Variants in TP63 observed in about 807,000 individuals in gnomAD.
The protein encoded by TP63 is tumor protein p63, also known as tumor protein 63.
Under a neutral mutation model 82.8 loss-of-function variants are expected in TP63, and 17 were observed. That is an observed-to-expected ratio of 0.21 (90% CI 0.14 to 0.31). The LOEUF is 0.31. TP63 is among the 10% of genes least tolerant of loss of function. The pLI is 1.00. For synonymous variants in TP63, 330 were observed against 321.7 expected (o/e 1.03, Z -0.28); for missense variants, 648 against 895.3 (o/e 0.72, Z 3.52).
chr3:189,841,515 A>G (rs1252626273), intron 4 of TP63, among the ~76,000 whole-genome samples: 1 of 152,160 alleles, frequency 6.6e-6, no homozygotes, highest in Non-Finnish European at 1.5e-5. Context: ...GATACAAATT[A>G]CCATTACTGG....
intron 4 of TP63, among the ~76,000 whole-genome samples, chr3:189,856,130 A>C (rs1716263945): frequency 6.6e-6 from 1 of 151,762 alleles, no homozygotes; most frequent in Admixed American, 6.6e-5. Flanking sequence ...ACCTACATAG[A>C]GATATAAGGT....
rs1577003438 is a variant in TP63 at position 189,808,341 on chromosome 3, A to G, written c.394A>G (p.Ser132Gly). ...GATTCAGAACGGCTCCTCGTCCACCAGTCCCTATAACACAGACCACGCGCA... is the reference window on the plus strand; with the variant it reads ...GATTCAGAACGGCTCCTCGTCCACCGGTCCCTATAACACAGACCACGCGCA... ...QQIQNGSSST[S>G]PYNTDHAQNS... Residue 132 changes from serine (S) to glycine (G), a missense_variant, in exon 4 of 14, where the codon AGT (serine) becomes GGT (glycine). By Grantham distance (56) the Ser-to-Gly change is moderately conservative. Coordinates refer to ENST00000264731, the MANE Select transcript of TP63 (RefSeq NM_003722.5). 1 of 1,614,234 alleles carries G rather than the reference A, an allele frequency of 6.2e-7. No homozygotes were observed.
At chr3:189,782,403 C>T (rs1296964784) in intron 3 of TP63, among the ~76,000 whole-genome samples, 1 of 152,114 alleles carries the variant, frequency 6.6e-6, no homozygotes, top group Non-Finnish European at 1.5e-5. Flanking sequence ...GCCATGGTGG[C>T]AGCTGTATGG....
Position 189,705,615 on chromosome 3 carries a change from G to A in TP63, c.63-32125G>A, listed in dbSNP as rs182954470. On this transcript the variant is annotated intron_variant, in intron 1 of 13. Transcript: ENST00000264731. Reference sequence around the variant, plus strand: ...CTCCCATCCCAGATCAGAACCTCTAGTCAATGGGAGAGCATATGGAGTTTT... The same window carrying A: ...CTCCCATCCCAGATCAGAACCTCTAATCAATGGGAGAGCATATGGAGTTTT... Among the ~76,000 whole-genome samples, 547 of 152,102 alleles carry A rather than the reference G, an allele frequency of 3.6e-3. 1 individual carries two copies. Among genetic ancestry groups the A allele is most frequent in the Non-Finnish European group, 5.7e-3 (390 of 68,004 alleles).
intron 4 of TP63, among the ~76,000 whole-genome samples, chr3:189,860,399 G>A (rs1457068838): frequency 1.3e-5 from 2 of 152,154 alleles, no homozygotes; most frequent in East Asian, 1.9e-4. Context: ...TAAGGGATAC[G>A]GAAGTGGGCA....
chr3:189,781,204 C>A (rs1239561949), intron 3 of TP63, among the ~76,000 whole-genome samples: 1 of 152,150 alleles, frequency 6.6e-6, no homozygotes, highest in Non-Finnish European at 1.5e-5. Flanking sequence ...GCTACAGATA[C>A]CACATTTACA....
At chr3:189,675,071 A>C (rs766115442) in intron 1 of TP63, among the ~76,000 whole-genome samples, 1 of 152,152 alleles carries the variant, frequency 6.6e-6, no homozygotes, top group Admixed American at 6.6e-5. Context: ...CCAAGGCACT[A>C]GCACGTTTGG....
intron 4 of TP63, 25 bp from the exon 5 acceptor site, chr3:189,864,207 C>T: frequency 6.2e-7 from 1 of 1,613,978 alleles, no homozygotes; most frequent in Non-Finnish European, 8.5e-7. Context: ...TCCTTCCTTT[C>T]TCCACTGGCC....
At chr3:189,767,338 T>C in intron 3 of TP63, among the ~76,000 whole-genome samples, 1 of 152,266 alleles carries the variant, frequency 6.6e-6, no homozygotes, top group Admixed American at 6.5e-5. Context: ...TGTTGTTGTG[T>C]ATAGGTACTA....
intron 4 of TP63, among the ~76,000 whole-genome samples, chr3:189,809,251 G>T (rs1211044980): frequency 6.6e-6 from 1 of 152,016 alleles, no homozygotes; most frequent in Non-Finnish European, 1.5e-5. Flanking sequence ...AAGGAAGCAT[G>T]GAATTTTCTT....
intron 1 of TP63, among the ~76,000 whole-genome samples, chr3:189,724,388 T>C (rs1719617803): frequency 6.6e-6 from 1 of 152,146 alleles, no homozygotes; most frequent in Non-Finnish European, 1.5e-5. Context: ...TAAGTAAGTT[T>C]TTTAGAGGTG....
intron 3 of TP63, among the ~76,000 whole-genome samples, chr3:189,780,231 A>T (rs765868453): frequency 1.3e-4 from 20 of 152,176 alleles, no homozygotes; most frequent in Non-Finnish European, 2.2e-4. Context: ...GAGCTGCCAA[A>T]TTGTGAAATA....
At chr3:189,830,423 T>C (rs1016025596) in intron 4 of TP63, among the ~76,000 whole-genome samples, 2 of 152,164 alleles carry the variant, frequency 1.3e-5, no homozygotes, top group African/African-American at 2.4e-5. Flanking sequence ...CCTGAAACCA[T>C]TGGAAATTGG....
intron 4 of TP63, among the ~76,000 whole-genome samples, chr3:189,821,124 C>T (rs1400397336): frequency 6.6e-6 from 1 of 152,060 alleles, no homozygotes; most frequent in Admixed American, 6.6e-5. Flanking sequence ...CAAAAAAAAG[C>T]AATAACAAAT....
At chr3:189,784,256 G>C (rs947400653) in intron 3 of TP63, among the ~76,000 whole-genome samples, 1 of 151,952 alleles carries the variant, frequency 6.6e-6, no homozygotes, top group African/African-American at 2.4e-5. Flanking sequence ...TCTAAATCCA[G>C]GTAAGTGGTA....
chr3:189,680,185 G>A (rs1715788994), intron 1 of TP63, among the ~76,000 whole-genome samples: 1 of 151,748 alleles, frequency 6.6e-6, no homozygotes, highest in Admixed American at 6.6e-5. Context: ...ATATCTTTTG[G>A]GTGTTTGGAT....
At chr3:189,660,737 C>T (rs2081074140) in intron 1 of TP63, among the ~76,000 whole-genome samples, 2 of 151,802 alleles carry the variant, frequency 1.3e-5, no homozygotes, top group Admixed American at 1.3e-4. Flanking sequence ...TCTATGAATT[C>T]CTTCAACCGT....
chr3:189,672,453 T>A (rs537671550), intron 1 of TP63, among the ~76,000 whole-genome samples: 1 of 152,044 alleles, frequency 6.6e-6, no homozygotes, highest in South Asian at 2.1e-4. Context: ...ATGAACAAAA[T>A]TAGCTGATCA....
chr3:189,614,687 G>A, the TP63 span, among the ~76,000 whole-genome samples: 1 of 152,186 alleles, frequency 6.6e-6, no homozygotes, highest in African/African-American at 2.4e-5. Flanking sequence ...AGAGGCTCAT[G>A]TGGAGTACAT....
Sources: gnomAD v4.1 joint callset for allele counts (sites outside exome capture counted in the v4.1 genomes callset) on GRCh38, gnomAD v4.1.1 for gene constraint, MANE v1.5 for transcripts, NCBI Gene and HGNC (gene_info 2026-07-23, HGNC 2026-07-21) for gene names.